AEBP2: variants seen among roughly 807,000 people sequenced by gnomAD.
The protein encoded by AEBP2 is zinc finger protein AEBP2.
A neutral mutation model predicts 50.8 loss-of-function variants in AEBP2; 10 were observed. The ratio of observed to expected loss-of-function variants is 0.20; its 90% CI spans 0.12 to 0.33. AEBP2 has a LOEUF of 0.33. AEBP2 is among the 10% of genes least tolerant of loss of function. AEBP2 has a pLI of 1.00. For missense variants in AEBP2, 570 were observed against 688.0 expected (o/e 0.83, Z 1.92); for synonymous variants, 296 against 261.3 (o/e 1.13, Z -1.28).
intron 4 of AEBP2, among the ~76,000 whole-genome samples, chr12:19,499,173 A>T (rs966867216): frequency 6.6e-5 from 10 of 152,252 alleles, no homozygotes; most frequent in Admixed American, 6.5e-4. Flanking sequence ...AATGCAGGTT[A>T]AGTAGTTTGC....
chr12:19,498,708 A>G (rs996321614), intron 4 of AEBP2, among the ~76,000 whole-genome samples: 3 of 152,156 alleles, frequency 2.0e-5, no homozygotes, highest in Non-Finnish European at 4.4e-5. Flanking sequence ...CAACTTTCTT[A>G]TTAGGAATAA....
chr12:19,507,937 AG>A, intron 5 of AEBP2, among the ~76,000 whole-genome samples: 1 of 152,214 alleles, frequency 6.6e-6, no homozygotes, highest in Non-Finnish European at 1.5e-5. Flanking sequence ...GGTTAAAAGA[AG>A]GCTATGAGGT....
chr12:19,415,478 A>G (rs2095742024), intron 1 of AEBP2, among the ~76,000 whole-genome samples: 1 of 150,286 alleles, frequency 6.7e-6, no homozygotes, highest in Non-Finnish European at 1.5e-5. Context: ...TCATAGCAAC[A>G]CTTTGTAATT....
In AEBP2 at chr12:19,409,216, A is replaced by G. The variant is rs559208218; in HGVS notation, c.-17+5000A>G. 6.6e-5 allele frequency among the ~76,000 whole-genome samples: 10 copies of G among 152,308 alleles called. No individual in the cohort carries two copies. The South Asian group carries it at 2.1e-3, about 32-fold the overall frequency. ...CTGCATCATTTAATCTACTTGCGTT[A>G]GTGTTGCCCTGAGAGGTGGCTGCAA... On this transcript the variant is annotated intron_variant, in intron 1 of 3. Coordinates refer to the AEBP2 transcript ENST00000538425.
intron 1 of AEBP2, among the ~76,000 whole-genome samples, chr12:19,451,823 T>C (rs1948170814): frequency 6.6e-6 from 1 of 152,136 alleles, no homozygotes; most frequent in Admixed American, 6.6e-5. Flanking sequence ...CACCTTAGCC[T>C]CCTGAGTAGC....
intron 5 of AEBP2, among the ~76,000 whole-genome samples, chr12:19,511,037 A>G (rs1949224898): frequency 6.6e-6 from 1 of 151,096 alleles, no homozygotes; most frequent in African/African-American, 2.4e-5. Flanking sequence ...GGATCTCCCT[A>G]TGTTGCCTAG....
intron 3 of AEBP2, among the ~76,000 whole-genome samples, chr12:19,479,174 A>G (rs1010503081): frequency 6.6e-6 from 1 of 152,218 alleles, no homozygotes; most frequent in Non-Finnish European, 1.5e-5. Flanking sequence ...GTGCCACTGC[A>G]CTTTAACCAG....
At chr12:19,503,543 T>G (rs1437206400) in intron 5 of AEBP2, among the ~76,000 whole-genome samples, 1 of 152,174 alleles carries the variant, frequency 6.6e-6, no homozygotes, top group Non-Finnish European at 1.5e-5. Flanking sequence ...AGAATCATAT[T>G]GGCAGTGAAG....
At chr12:19,434,988 A>G (rs1277610063), upstream of AEBP2, among the ~76,000 whole-genome samples, 1 of 151,730 alleles carries the variant, frequency 6.6e-6, no homozygotes, top group African/African-American at 2.4e-5. Flanking sequence ...CACTTTTGAC[A>G]CTTTTTTTTT....
intron 1 of AEBP2, among the ~76,000 whole-genome samples, chr12:19,415,822 T>C (rs2095742291): frequency 6.6e-6 from 1 of 152,170 alleles, no homozygotes; most frequent in Non-Finnish European, 1.5e-5. Flanking sequence ...CCTTAAGCAG[T>C]CTCTGGCCAA....
chr12:19,417,571 C>A (rs2095743295), intron 1 of AEBP2, among the ~76,000 whole-genome samples: 2 of 151,862 alleles, frequency 1.3e-5, no homozygotes, highest in African/African-American at 2.4e-5. Context: ...CCACACCCGG[C>A]CAATTTTTAT....
At chr12:19,433,897 A>G (rs1399188310) in intron 1 of AEBP2, among the ~76,000 whole-genome samples, 1 of 150,676 alleles carries the variant, frequency 6.6e-6, no homozygotes, top group African/African-American at 2.4e-5. Context: ...CCTAGGCTGG[A>G]GTGTAGTGGC....
Position 19,439,574 on chromosome 12 carries a change from G to A in AEBP2, c.-126G>A, listed in dbSNP as rs1469389505. ...GTGTGCAGGCTGACGCAGCTCGCGG[G>A]CCCTCCTCCTGCTCTGCAGCGGCGT... is the stretch of plus-strand genomic sequence containing the variant. On this transcript the variant is annotated 5_prime_UTR_variant, in exon 1 of 8. Transcript: ENST00000266508. The A allele has an allele frequency of 7.9e-7, 1 of 1,263,324 alleles. No homozygotes were observed. The highest frequency in any genetic ancestry group is 1.1e-6 in the Non-Finnish European group (1 of 949,302). 78.3% of individuals were successfully genotyped at this position (1,263,324 alleles called of 1,614,324 possible).
At chr12:19,444,428 C>T (rs1948021529) in intron 1 of AEBP2, among the ~76,000 whole-genome samples, 1 of 152,146 alleles carries the variant, frequency 6.6e-6, no homozygotes, top group Non-Finnish European at 1.5e-5. Context: ...GCTATTGAAT[C>T]AGTTAATATA....
chr12:19,492,000 TGGTAGA>T (rs1948900227), intron 3 of AEBP2, among the ~76,000 whole-genome samples: 1 of 151,776 alleles, frequency 6.6e-6, no homozygotes. Flanking sequence ...AGCTTACAAT[TGGTAGA>T]GGTACCTCGA....
At chr12:19,445,828 A>G (rs1182797114) in intron 1 of AEBP2, 1 of 152,232 alleles carries the variant, frequency 6.6e-6, no homozygotes, top group East Asian at 1.9e-4. Context: ...AAGCCTTCAT[A>G]TGAAACCTTT....
At chr12:19,474,080 C>T (rs896163282) in intron 3 of AEBP2, among the ~76,000 whole-genome samples, 1 of 151,938 alleles carries the variant, frequency 6.6e-6, no homozygotes, top group East Asian at 1.9e-4. Context: ...GGATTTGATT[C>T]CTTTCACTCA....
intron 3 of AEBP2, among the ~76,000 whole-genome samples, chr12:19,481,092 CTTTTTTTTTT>C (rs71067027): frequency 6.9e-4 from 51 of 74,054 alleles, no homozygotes; most frequent in African/African-American, 2.8e-3. Flanking sequence ...GCAGTGCATC[CTTTTTTTTTT>C]TTTTTTTTTT....
chr12:19,429,136 C>T (rs911332549), intron 1 of AEBP2, among the ~76,000 whole-genome samples: 2 of 152,312 alleles, frequency 1.3e-5, no homozygotes, highest in Non-Finnish European at 2.9e-5. Flanking sequence ...AATCCTCTCA[C>T]CCCACAACAG....
Sources: gnomAD v4.1 joint callset for allele counts (sites outside exome capture counted in the v4.1 genomes callset) on GRCh38, gnomAD v4.1.1 for gene constraint, MANE v1.5 for transcripts, NCBI Gene and HGNC (gene_info 2026-07-23, HGNC 2026-07-21) for gene names.